Variants in ZNF366 observed in about 807,000 individuals in gnomAD.
ZNF366 encodes the protein dendritic cell-specific transcript protein.
ZNF366 carries 20 observed loss-of-function variants against 47.2 expected under a neutral mutation model. The observed-to-expected ratio is 0.42, with a 90% CI of 0.30 to 0.62. The LOEUF is 0.62. Ranked by LOEUF, ZNF366 falls within the 20% of genes least tolerant of loss-of-function variation. The pLI is 0.16. For missense variants in ZNF366, 987 were observed against 976.3 expected (o/e 1.01, Z -0.15); for synonymous variants, 421 against 395.1 (o/e 1.07, Z -0.78).
intron 1 of ZNF366, among the ~76,000 whole-genome samples, chr5:72,501,874 C>A (rs2112358868): frequency 6.6e-6 from 1 of 152,280 alleles, no homozygotes; most frequent in Middle Eastern, 3.4e-3. Context: ...TTCCCATGAA[C>A]AAATGGGTGG....
In ZNF366 at chr5:72,443,893, G is replaced by C. The variant is rs959288227; in HGVS notation, c.2098C>G (p.Leu700Val). 1.2e-6 allele frequency: 2 copies of C among 1,614,086 alleles called. No homozygotes were observed. The highest frequency in any genetic ancestry group is 1.7e-5 in the Admixed American group (1 of 59,994). ...ERDCAGRDEC[L>V]SLRAFQSTRR... ...GTACTCTGAAAAGCCCTGAGACTGA[G>C]ACACTCATCTCTGCCGGCACAGTCT... Residue 700 changes from leucine (L) to valine (V), a missense_variant, in exon 5 of 5, where the codon CTC (leucine) becomes GTC (valine). Physicochemically the swap from Leu to Val is conservative, Grantham distance 32. This residue lies in a region of ZNF366 where 285 missense variants were observed against 234.8 expected (regional missense o/e 1.21). Coordinates refer to ENST00000318442, the MANE Select transcript of ZNF366 (RefSeq NM_152625.3).
intron 4 of ZNF366, among the ~76,000 whole-genome samples, chr5:72,444,813 G>A (rs1279072242): frequency 1.3e-5 from 2 of 152,146 alleles, no homozygotes; most frequent in African/African-American, 4.8e-5. Flanking sequence ...TATTTATAGT[G>A]CAGACCTGAT....
At chr5:72,478,767 G>A (rs1743725240) in intron 1 of ZNF366, among the ~76,000 whole-genome samples, 1 of 152,196 alleles carries the variant, frequency 6.6e-6, no homozygotes, top group Non-Finnish European at 1.5e-5. Flanking sequence ...CACCTGCCAG[G>A]GAACTGGCCA....
chr5:72,467,325 G>C (rs890760124), intron 1 of ZNF366, among the ~76,000 whole-genome samples: 9 of 152,134 alleles, frequency 5.9e-5, no homozygotes, highest in African/African-American at 2.2e-4. Flanking sequence ...TTATCCATAA[G>C]AGTTGGTTAT....
chr5:72,452,109 G>A (rs964294209), intron 3 of ZNF366, among the ~76,000 whole-genome samples: 15 of 152,234 alleles, frequency 9.9e-5, no homozygotes, highest in Non-Finnish European at 1.8e-4. Context: ...GATGCACCAG[G>A]AAGCCTGTGT....
At chr5:72,477,362 G>A (rs1194139141) in intron 1 of ZNF366, among the ~76,000 whole-genome samples, 1 of 152,230 alleles carries the variant, frequency 6.6e-6, no homozygotes, top group Non-Finnish European at 1.5e-5. Context: ...GGAATGGGAG[G>A]ATATGCTTTT....
At position 72,439,945 on chromosome 5, in the gene ZNF366, G is replaced by C. The variant is rs1241375783; in HGVS notation, c.*3811C>G. On this transcript the variant is annotated 3_prime_UTR_variant, in exon 5 of 5. Coordinates refer to ENST00000318442, the MANE Select transcript of ZNF366 (RefSeq NM_152625.3). ...ATTTGCTTAAATTAACAAAATATAG[G>C]TTACATGCTCTTTTCAGGTAAACTG... is the stretch of plus-strand genomic sequence containing the variant. 1 of 152,152 alleles carries C rather than the reference G, an allele frequency of 6.6e-6. No individual in the cohort carries two copies. The highest frequency in any genetic ancestry group is 2.4e-5 in the African/African-American group (1 of 41,424). 9.4% of individuals were successfully genotyped at this position (152,152 alleles called of 1,614,324 possible). A position where few individuals can be genotyped will look rare whatever the true frequency, so the allele number is the denominator to read the frequency against.
At chr5:72,497,367 G>A (rs1744136367) in intron 1 of ZNF366, among the ~76,000 whole-genome samples, 1 of 152,054 alleles carries the variant, frequency 6.6e-6, no homozygotes. Flanking sequence ...TATGGATATG[G>A]AATCGTTTCA....
intron 1 of ZNF366, among the ~76,000 whole-genome samples, chr5:72,478,141 C>T (rs901344520): frequency 7.9e-5 from 12 of 152,038 alleles, no homozygotes; most frequent in Non-Finnish European, 1.3e-4. Context: ...CCTCCAAGGG[C>T]GTCATGGCTC....
chr5:72,453,222 A>G (rs1743110981), intron 3 of ZNF366, among the ~76,000 whole-genome samples: 2 of 152,330 alleles, frequency 1.3e-5, no homozygotes, highest in East Asian at 3.9e-4. Flanking sequence ...TTTAATGGTG[A>G]GAATCCCCCA....
At chr5:72,459,433 C>T (rs938385166) in intron 2 of ZNF366, among the ~76,000 whole-genome samples, 3 of 152,156 alleles carry the variant, frequency 2.0e-5, no homozygotes, top group African/African-American at 7.2e-5. Context: ...TTTAGTTCAG[C>T]CTGAATGACT....
intron 1 of ZNF366, among the ~76,000 whole-genome samples, chr5:72,492,378 C>T (rs532098758): frequency 6.6e-6 from 1 of 152,294 alleles, no homozygotes; most frequent in East Asian, 1.9e-4. Flanking sequence ...GACCTGTCAT[C>T]TGATTATTGC....
intron 1 of ZNF366, among the ~76,000 whole-genome samples, chr5:72,462,507 T>TTTTCTTTCTTTCTTTCTTTTC (rs1743336406): frequency 1.2e-5 from 1 of 82,462 alleles, no homozygotes. Flanking sequence ...TCCTTGCCAG[T>TTTTCTTTCTTTCTTTCTTTTC]TTTCTTTCTT....
chr5:72,443,546 A>C lies in ZNF366; in HGVS notation c.*210T>G, dbSNP rs530799418. On this transcript the variant is annotated 3_prime_UTR_variant, in exon 5 of 5. Transcript: ENST00000318442. ...ACTGGCAATGCATAAAACGCCACTG[A>C]TGAAGACCCTGCACATGTGTGAAGG... 7.2e-6 allele frequency: 4 copies of C among 556,086 alleles called. No individual in the cohort carries two copies. In the South Asian group the frequency reaches 1.0e-4, roughly 14 times the overall value. 34.4% of individuals were successfully genotyped at this position (556,086 alleles called of 1,614,324 possible). A position where few individuals can be genotyped will look rare whatever the true frequency, so the allele number is the denominator to read the frequency against.
rs1347035574 is a variant in ZNF366, at chr5:72,440,126, A to G, written c.*3630T>C. ...GGATTTCAAACGTTAGCTCTGTTAT[A>G]TTTTGTTCCAGCAAAGCAGACAAAG... On this transcript the variant is annotated 3_prime_UTR_variant, in exon 5 of 5. Coordinates refer to ENST00000318442, the MANE Select transcript of ZNF366 (RefSeq NM_152625.3). The G allele has an allele frequency of 1.3e-5, 2 of 152,338 alleles. No homozygotes were observed. The highest frequency in any genetic ancestry group is 3.9e-4 in the East Asian group (2 of 5,194). The allele number at this position is 152,338 out of a possible 1,614,324, so 9.4% of individuals were successfully genotyped here.
chr5:72,485,128 G>A (rs908680421), intron 1 of ZNF366, among the ~76,000 whole-genome samples: 2 of 152,164 alleles, frequency 1.3e-5, no homozygotes, highest in African/African-American at 2.4e-5. Context: ...ATTAAAAAAT[G>A]TTTAGTAATT....
chr5:72,457,396 C>T (rs575120242), intron 2 of ZNF366, among the ~76,000 whole-genome samples: 254 of 152,252 alleles, frequency 1.7e-3, no homozygotes, highest in Middle Eastern at 6.8e-3. Context: ...AAGGCCTTTG[C>T]AAGAGGTCTT....
At chr5:72,448,061 T>C (rs1204449992) in intron 3 of ZNF366, among the ~76,000 whole-genome samples, 3 of 152,350 alleles carry the variant, frequency 2.0e-5, no homozygotes, top group African/African-American at 7.2e-5. Flanking sequence ...AAGAGTACAC[T>C]GTATTCTTAT....
At chr5:72,500,840 T>G (rs1744199605) in intron 1 of ZNF366, among the ~76,000 whole-genome samples, 1 of 152,246 alleles carries the variant, frequency 6.6e-6, no homozygotes, top group African/African-American at 2.4e-5. Flanking sequence ...TGGGATTTAT[T>G]CTGCATTTCT....
Sources: gnomAD v4.1 joint callset for allele counts (sites outside exome capture counted in the v4.1 genomes callset) on GRCh38, gnomAD v4.1.1 for gene constraint, gnomAD v4.1.1 regional missense constraint, MANE v1.5 for transcripts, NCBI Gene and HGNC (gene_info 2026-07-23, HGNC 2026-07-21) for gene names.